The following ANO10 variants were observed in gnomAD, a reference collection of about 807,000 sequenced individuals.
ANO10 encodes the protein anoctamin-10.
Under a neutral mutation model 74.7 loss-of-function variants are expected in ANO10, and 77 were observed. The observed-to-expected ratio is 1.03, with a 90% CI of 0.86 to 1.25. The LOEUF (loss-of-function observed/expected upper bound fraction) is 1.25, where lower values mean the gene tolerates loss of function less well. Among genes scored for constraint, ANO10 ranks in the 50% most tolerant of loss-of-function variants. ANO10 has a pLI of 0.00. For synonymous variants in ANO10, 279 were observed against 284.9 expected (o/e 0.98, Z 0.21); for missense variants, 721 against 778.1 (o/e 0.93, Z 0.87).
At chr3:43,374,098 C>T (rs546331851) in intron 12 of ANO10, among the ~76,000 whole-genome samples, 1 of 152,330 alleles carries the variant, frequency 6.6e-6, no homozygotes, top group Admixed American at 6.5e-5. Context: ...ATGGTTCCTC[C>T]AGGCTGTGGG....
chr3:43,490,866 T>C (rs1362441881), intron 11 of ANO10, among the ~76,000 whole-genome samples: 2 of 152,128 alleles, frequency 1.3e-5, no homozygotes, highest in Admixed American at 1.3e-4. Flanking sequence ...TGACTCTCTT[T>C]CTAAAATAAT....
chr3:43,668,872 T>C (rs74826264), intron 1 of ANO10, among the ~76,000 whole-genome samples: 3,215 of 152,302 alleles, frequency 0.021, 55 homozygotes, highest in South Asian at 0.092. Context: ...TGTTTTTATA[T>C]TCCATACTTT....
intron 12 of ANO10, among the ~76,000 whole-genome samples, chr3:43,397,819 G>A (rs1386602721): frequency 2.6e-5 from 4 of 152,176 alleles, no homozygotes; most frequent in Admixed American, 6.6e-5. Context: ...AAACTGGGGC[G>A]AATGTAGAAC....
intron 11 of ANO10, among the ~76,000 whole-genome samples, chr3:43,512,981 T>A (rs376846154): frequency 3.3e-5 from 5 of 152,146 alleles, no homozygotes; most frequent in Non-Finnish European, 7.4e-5. Flanking sequence ...TGAGTCATGA[T>A]GAGAATCCAG....
chr3:43,484,859 T>C lies in ANO10; in HGVS notation c.1798-52132A>G. The C allele has an allele frequency of 5.3e-6, 3 of 569,896 alleles. No individual in the cohort carries two copies. In the South Asian group the frequency reaches 6.8e-5, roughly 13 times the overall value. The allele number at this position is 569,896 out of a possible 1,614,324, so 35.3% of individuals were successfully genotyped here. On this transcript the variant is annotated intron_variant, in intron 11 of 12. Coordinates refer to ENST00000292246, the MANE Select transcript of ANO10 (RefSeq NM_018075.5). ...TTTACATCATGGAGGCGGGGCTGTG[T>C]TCTCCGCCAACAGGCATGACCAATT...
rs1455286154 is a variant in ANO10, at chr3:43,643,543, CAT to C, written c.-11-37682_-11-37681del. ...TTGTAAGGGAAATTGGGCGTCATTT[CAT>C]ATGTGTAGGGAGTGACTTGCATTTC... On this transcript the variant is annotated intron_variant, in intron 1 of 3. Coordinates refer to the ANO10 transcript ENST00000413397. 5.3e-5 allele frequency among the ~76,000 whole-genome samples: 8 copies of C among 151,998 alleles called. 1 individual carries two copies. Among genetic ancestry groups the C allele is most frequent in the South Asian group, 4.1e-4 (2 of 4,830 alleles).
intron 11 of ANO10, among the ~76,000 whole-genome samples, chr3:43,470,475 T>C (rs2075805712): frequency 6.6e-6 from 1 of 152,186 alleles, no homozygotes; most frequent in Admixed American, 6.5e-5. Context: ...TGCCTCAGCC[T>C]CCTGAGTAGC....
intron 1 of ANO10, among the ~76,000 whole-genome samples, chr3:43,667,425 G>GT (rs770697226): frequency 3.9e-5 from 6 of 152,060 alleles, no homozygotes; most frequent in Admixed American, 6.6e-5. Flanking sequence ...TTACACTATT[G>GT]TTTTTTAAAA....
At chr3:43,660,953 T>A (rs2083918870) in intron 1 of ANO10, among the ~76,000 whole-genome samples, 1 of 152,024 alleles carries the variant, frequency 6.6e-6, no homozygotes, top group Non-Finnish European at 1.5e-5. Flanking sequence ...AAACTCCATC[T>A]CAAAAACAAT....
chr3:43,446,064 G>C (rs1403344202), intron 11 of ANO10, among the ~76,000 whole-genome samples: 4 of 152,122 alleles, frequency 2.6e-5, no homozygotes, highest in Non-Finnish European at 5.9e-5. Context: ...GAAACGTATA[G>C]ATATCACTGT....
At chr3:43,610,520 A>T (rs1208631254) in intron 1 of ANO10, among the ~76,000 whole-genome samples, 1 of 152,238 alleles carries the variant, frequency 6.6e-6, no homozygotes, top group Non-Finnish European at 1.5e-5. Context: ...AGGTTTGTTT[A>T]CACCGGCATC....
chr3:43,616,035 A>C (rs929158197), intron 1 of ANO10, among the ~76,000 whole-genome samples: 1 of 152,148 alleles, frequency 6.6e-6, no homozygotes, highest in African/African-American at 2.4e-5. Context: ...CTTATATAAA[A>C]GCTACCTAGA....
intron 12 of ANO10, among the ~76,000 whole-genome samples, chr3:43,376,340 G>A (rs1289276120): frequency 1.3e-5 from 2 of 152,166 alleles, no homozygotes; most frequent in Non-Finnish European, 2.9e-5. Context: ...GAGAACAGTG[G>A]GCTGGGGGTG....
intron 1 of ANO10, among the ~76,000 whole-genome samples, chr3:43,685,993 A>C (rs1477022006): frequency 3.9e-5 from 6 of 152,168 alleles, no homozygotes; most frequent in Non-Finnish European, 7.3e-5. Flanking sequence ...CCACTGAAGA[A>C]GGTCTTTTAT....
At chr3:43,399,197 A>G (rs1434165291) in intron 12 of ANO10, among the ~76,000 whole-genome samples, 2 of 152,216 alleles carry the variant, frequency 1.3e-5, no homozygotes, top group Admixed American at 1.3e-4. Flanking sequence ...AGAGTTGCAA[A>G]TACTCACTAA....
chr3:43,579,052 A>C (rs2081147305), intron 5 of ANO10, among the ~76,000 whole-genome samples: 1 of 152,162 alleles, frequency 6.6e-6, no homozygotes, highest in African/African-American at 2.4e-5. Flanking sequence ...AAATTATTTT[A>C]GGATACCATT....
rs34136600 is a variant in ANO10 at position 43,471,976 on chromosome 3, G to GA, written c.1798-39250dup. 1.7e-3 allele frequency among the ~76,000 whole-genome samples: 264 copies of GA among 151,806 alleles called. 2 individuals carry two copies. Among genetic ancestry groups the GA allele is most frequent in the South Asian group, 0.015 (72 of 4,796 alleles). ...GCTCTATTCAAAATCACAAAGGCTG[G>GA]AAAAAAAATCAAAATATTCCTCTTC... On this transcript the variant is annotated intron_variant, in intron 11 of 12. Coordinates refer to ENST00000292246, the MANE Select transcript of ANO10 (RefSeq NM_018075.5).
chr3:43,485,829 G>A, intron 11 of ANO10: 1 of 283,674 alleles, frequency 3.5e-6, no homozygotes, highest in South Asian at 3.3e-5. Flanking sequence ...TCCGGGGTGT[G>A]CAGGCAGCGA....
At chr3:43,665,494 C>T (rs1345460851) in intron 1 of ANO10, among the ~76,000 whole-genome samples, 1 of 152,078 alleles carries the variant, frequency 6.6e-6, no homozygotes, top group Non-Finnish European at 1.5e-5. Context: ...GCACGTTCTG[C>T]ACATGTAACC....
Sources: gnomAD v4.1 joint callset for allele counts (sites outside exome capture counted in the v4.1 genomes callset) on GRCh38, gnomAD v4.1.1 for gene constraint, MANE v1.5 for transcripts, NCBI Gene and HGNC (gene_info 2026-07-23, HGNC 2026-07-21) for gene names.